Variants in MACROD2 observed in about 807,000 individuals in gnomAD.
MACROD2 encodes the protein ADP-ribose glycohydrolase MACROD2.
Under a neutral mutation model 70.4 loss-of-function variants are expected in MACROD2, and 36 were observed. That is an observed-to-expected ratio of 0.51 (90% CI 0.39 to 0.68). The LOEUF is 0.68. Ranked by LOEUF, MACROD2 falls within the 30% of genes least tolerant of loss-of-function variation. MACROD2 has a pLI of 0.00. For missense variants in MACROD2, 496 were observed against 538.4 expected (o/e 0.92, Z 0.78); for synonymous variants, 172 against 178.8 (o/e 0.96, Z 0.30).
At chr20:15,220,773 G>T (rs979552795) in intron 5 of MACROD2, among the ~76,000 whole-genome samples, 1 of 123,122 alleles carries the variant, frequency 8.1e-6, no homozygotes, top group Non-Finnish European at 2.0e-5. Flanking sequence ...AGAAAAAAAT[G>T]GGGGGGGCTC....
intron 8 of MACROD2, among the ~76,000 whole-genome samples, chr20:15,679,131 G>A (rs942125771): frequency 6.6e-6 from 1 of 151,916 alleles, no homozygotes; most frequent in African/African-American, 2.4e-5. Flanking sequence ...TGGCTGCTTG[G>A]GAGGCTAAGG....
chr20:15,002,786 A>G (rs569689807), intron 5 of MACROD2, among the ~76,000 whole-genome samples: 5 of 152,172 alleles, frequency 3.3e-5, no homozygotes, highest in South Asian at 2.1e-4. Context: ...TGAATCAGAC[A>G]CGCTCCACTC....
intron 3 of MACROD2, among the ~76,000 whole-genome samples, chr20:14,195,897 C>T (rs1393418364): frequency 1.3e-5 from 2 of 152,176 alleles, no homozygotes; most frequent in Non-Finnish European, 2.9e-5. Context: ...GACACCAAGG[C>T]CAGAACCTCG....
At chr20:15,281,444 TG>T (rs966684097) in intron 6 of MACROD2, among the ~76,000 whole-genome samples, 55 of 152,258 alleles carry the variant, frequency 3.6e-4, no homozygotes, top group African/African-American at 1.2e-3. Flanking sequence ...CTAGATACAA[TG>T]GGGGTACAGG....
At chr20:14,120,815 A>G (rs139278745) in intron 3 of MACROD2, among the ~76,000 whole-genome samples, 6 of 151,844 alleles carry the variant, frequency 4.0e-5, no homozygotes, top group African/African-American at 1.4e-4. Flanking sequence ...CAGGAACAGA[A>G]AACCAAACAC....
rs527922645 is a variant in MACROD2, at chr20:15,784,208, C to G, written c.646-78537C>G. Among the ~76,000 whole-genome samples, 3 of 152,210 alleles carry G rather than the reference C, an allele frequency of 2.0e-5. No homozygotes were observed. The East Asian group carries it at 5.8e-4, about 29-fold the overall frequency. On this transcript the variant is annotated intron_variant, in intron 8 of 17. Transcript: ENST00000684519. ...TTTTAACATGCAGTATCTCTGACTT[C>G]CCCAGCGCATGTGTATTGAGAACCA...
At chr20:14,288,066 G>A (rs946276145) in intron 3 of MACROD2, among the ~76,000 whole-genome samples, 1 of 151,794 alleles carries the variant, frequency 6.6e-6, no homozygotes, top group Non-Finnish European at 1.5e-5. Flanking sequence ...ATTATACAAG[G>A]TGTGACCACA....
At chr20:15,965,123 C>T (rs1290518216) in intron 12 of MACROD2, among the ~76,000 whole-genome samples, 5 of 152,138 alleles carry the variant, frequency 3.3e-5, no homozygotes, top group Non-Finnish European at 1.5e-5. Flanking sequence ...TGTTATAGTG[C>T]ATCTGGCAGC....
At chr20:15,840,656 G>T (rs936641715) in intron 8 of MACROD2, among the ~76,000 whole-genome samples, 1 of 152,016 alleles carries the variant, frequency 6.6e-6, no homozygotes, top group Admixed American at 6.6e-5. Context: ...AAATTTTATT[G>T]ACTGTGAAAT....
At chr20:15,915,670 AGGGGTGTG>A (rs1331938504) in intron 10 of MACROD2, among the ~76,000 whole-genome samples, 2 of 152,206 alleles carry the variant, frequency 1.3e-5, no homozygotes, top group African/African-American at 2.4e-5. Flanking sequence ...CCAAAGGCAC[AGGGGTGTG>A]GGGGTGTAGG....
chr20:15,925,365 A>C (rs1421386936), intron 10 of MACROD2, among the ~76,000 whole-genome samples: 1 of 152,230 alleles, frequency 6.6e-6, no homozygotes, highest in Non-Finnish European at 1.5e-5. Context: ...CAACTTCCCC[A>C]GGGAAGCCCA....
In MACROD2 at chr20:15,184,330, G is replaced by T. The variant is rs182305897; in HGVS notation, c.419-45610G>T. Reference sequence around the variant, plus strand: ...CTAACTCATGTCATCCCCTTCAAAAGGAATGACCTGCTCTGTCCACTGCCC... The same window carrying T: ...CTAACTCATGTCATCCCCTTCAAAATGAATGACCTGCTCTGTCCACTGCCC... On this transcript the variant is annotated intron_variant, in intron 5 of 17. Transcript: ENST00000684519. 3.4e-3 allele frequency among the ~76,000 whole-genome samples: 518 copies of T among 152,238 alleles called. 5 individuals are homozygous for T. In the Middle Eastern group the frequency reaches 0.041, roughly 12 times the overall value.
intron 15 of MACROD2, among the ~76,000 whole-genome samples, chr20:16,013,877 G>T (rs2066896281): frequency 6.6e-6 from 1 of 152,174 alleles, no homozygotes; most frequent in Admixed American, 6.5e-5. Flanking sequence ...GCCTTTAGGT[G>T]TTCTGAGAAT....
intron 9 of MACROD2, among the ~76,000 whole-genome samples, chr20:15,864,697 T>C (rs970581815): frequency 7.2e-5 from 11 of 152,252 alleles, no homozygotes; most frequent in African/African-American, 2.6e-4. Context: ...AAATTGCTAC[T>C]TTAAATACAT....
At chr20:14,781,496 A>G (rs976785929) in intron 5 of MACROD2, among the ~76,000 whole-genome samples, 8 of 144,462 alleles carry the variant, frequency 5.5e-5, no homozygotes, top group African/African-American at 2.2e-4. Context: ...GCTATGGACC[A>G]TATAACACAG....
chr20:14,907,897 A>G (rs992977076), intron 5 of MACROD2, among the ~76,000 whole-genome samples: 6 of 152,182 alleles, frequency 3.9e-5, no homozygotes, highest in Admixed American at 1.3e-4. Flanking sequence ...ATTTGTTGAA[A>G]GAAAGCTCAA....
At chr20:15,366,594 G>A (rs914228092) in intron 6 of MACROD2, among the ~76,000 whole-genome samples, 1 of 152,104 alleles carries the variant, frequency 6.6e-6, no homozygotes, top group Non-Finnish European at 1.5e-5. Flanking sequence ...TGTTGCCCAG[G>A]CTGGGGAGTA....
intron 8 of MACROD2, among the ~76,000 whole-genome samples, chr20:15,781,440 A>T (rs2051829232): frequency 7.1e-6 from 1 of 141,372 alleles, no homozygotes; most frequent in South Asian, 2.2e-4. Flanking sequence ...TATAAAGACT[A>T]GAAATTTATT....
At chr20:15,694,566 G>GA (rs1555863398) in intron 8 of MACROD2, among the ~76,000 whole-genome samples, 1 of 150,376 alleles carries the variant, frequency 6.6e-6, no homozygotes, top group East Asian at 2.0e-4. Flanking sequence ...TGTGATGTTT[G>GA]TTTTTTTTTC....
Sources: gnomAD v4.1 joint callset for allele counts (sites outside exome capture counted in the v4.1 genomes callset) on GRCh38, gnomAD v4.1.1 for gene constraint, MANE v1.5 for transcripts, NCBI Gene and HGNC (gene_info 2026-07-23, HGNC 2026-07-21) for gene names.